The following PCCB variants were observed in gnomAD, a reference collection of about 807,000 sequenced individuals.
PCCB encodes propionyl-CoA carboxylase beta chain, mitochondrial.
In PCCB, 43 loss-of-function variants were observed where a neutral mutation model predicts 60.7. The observed-to-expected ratio is 0.71, with a 90% CI of 0.55 to 0.91. The LOEUF is 0.91. Among genes scored for constraint, PCCB ranks in the 40% least tolerant of loss-of-function variants. The pLI is 0.00. For synonymous variants in PCCB, 276 were observed against 255.9 expected (o/e 1.08, Z -0.75); for missense variants, 766 against 702.8 (o/e 1.09, Z -1.02).
In PCCB at chr3:136,328,785, C is replaced by G. The variant is rs1935425525; in HGVS notation, c.1426C>G (p.His476Asp). 6.2e-7 allele frequency: 1 copy of G among 1,614,138 alleles called. No individual in the cohort carries two copies. Among genetic ancestry groups the G allele is most frequent in the Non-Finnish European group, 8.5e-7 (1 of 1,179,960 alleles). Residue 476 changes from histidine (H) to aspartate (D), a missense_variant, in exon 14 of 15, where the codon CAT becomes GAT. His to Asp is a moderately conservative substitution (Grantham distance 81). Transcript: ENST00000251654. The stretch of plus-strand genomic sequence containing the variant: ...CGCTGTGGAGATCATCTTCAAAGGG[C>G]ATGAGAATGTGGAAGCTGCTCAGGC... ...KGAVEIIFKG[H>D]ENVEAAQAEY...
intron 1 of PCCB, chr3:136,251,407 A>G (rs1157323969): frequency 1.1e-5 from 5 of 441,526 alleles, no homozygotes; most frequent in Non-Finnish European, 2.3e-5. Flanking sequence ...AAACTCTTAC[A>G]GATGAAGAGT....
Position 136,262,972 on chromosome 3 carries a change from T to G in PCCB, c.543+907T>G, listed in dbSNP as rs1388041169. ...GGAGGAGGTTTTTTTTTTTTTTTTT[T>G]GAGACAGAGTCTGGCTCTGTCTCCC... On this transcript the variant is annotated intron_variant, in intron 5 of 14. Coordinates refer to ENST00000251654, the MANE Select transcript of PCCB (RefSeq NM_000532.5). 2.4e-5 allele frequency among the ~76,000 whole-genome samples: 3 copies of G among 127,494 alleles called. No individual in the cohort carries two copies. The East Asian group carries it at 9.2e-4, about 39-fold the overall frequency. 83.6% of individuals were successfully genotyped at this position (127,494 alleles called of 152,430 possible). A position where few individuals can be genotyped will look rare whatever the true frequency, so the allele number is the denominator to read the frequency against.
At chr3:136,256,063 T>C in intron 2 of PCCB, 88 bp downstream of exon 2, 1 of 1,589,502 alleles carries the variant, frequency 6.3e-7, no homozygotes, top group East Asian at 2.2e-5. Flanking sequence ...ATAAGGCTTT[T>C]ATCTGAAGTC....
intron 5 of PCCB, among the ~76,000 whole-genome samples, chr3:136,282,654 C>A (rs1019099948): frequency 1.3e-5 from 2 of 152,138 alleles, no homozygotes; most frequent in African/African-American, 4.8e-5. Context: ...TTGCTTTATA[C>A]AGTCTTGTTT....
intron 9 of PCCB, among the ~76,000 whole-genome samples, chr3:136,310,520 TCAAA>T (rs779927934): frequency 6.6e-6 from 1 of 152,186 alleles, no homozygotes; most frequent in Non-Finnish European, 1.5e-5. Context: ...AGACTCTGTC[TCAAA>T]CAAACAAACA....
intron 5 of PCCB, among the ~76,000 whole-genome samples, chr3:136,271,374 G>T (rs775150358): frequency 6.6e-6 from 1 of 152,076 alleles, no homozygotes; most frequent in Non-Finnish European, 1.5e-5. Flanking sequence ...GTATTTTCTA[G>T]TTCTGTGAAA....
chr3:136,306,669 C>A (rs555581503), intron 9 of PCCB, among the ~76,000 whole-genome samples: 2 of 121,418 alleles, frequency 1.6e-5, no homozygotes, highest in African/African-American at 5.0e-5. Context: ...ACCTTTAATA[C>A]AATTATTGGT....
In PCCB at chr3:136,303,149, C is replaced by T. The variant is rs1426408453; in HGVS notation, c.966+2038C>T. 1.6e-5 allele frequency among the ~76,000 whole-genome samples: 2 copies of T among 122,894 alleles called. 1 individual carries two copies. Among genetic ancestry groups the T allele is most frequent in the African/African-American group, 5.0e-5 (2 of 40,212 alleles). 80.6% of individuals were successfully genotyped at this position (122,894 alleles called of 152,430 possible). ...ACATGTCATTTCTTTCCTTGTCTTG[C>T]ATTGGCTACAACTCCCTATATGTCA... On this transcript the variant is annotated intron_variant, in intron 9 of 14. Transcript: ENST00000251654.
At chr3:136,311,629 C>T (rs377128483) in intron 9 of PCCB, among the ~76,000 whole-genome samples, 3 of 152,098 alleles carry the variant, frequency 2.0e-5, no homozygotes, top group East Asian at 3.9e-4. Context: ...TGTGAGCCCC[C>T]AAGCCCAGCC....
chr3:136,258,704 A>G (rs1290204104), intron 3 of PCCB, among the ~76,000 whole-genome samples: 1 of 152,128 alleles, frequency 6.6e-6, no homozygotes, highest in African/African-American at 2.4e-5. Flanking sequence ...CTTTTAGGCT[A>G]GCGATTGTGA....
At chr3:136,322,922 C>T (rs1935158012) in intron 10 of PCCB, among the ~76,000 whole-genome samples, 1 of 150,938 alleles carries the variant, frequency 6.6e-6, no homozygotes, top group Non-Finnish European at 1.5e-5. Context: ...ATATGTTATC[C>T]TGCTGTCTCT....
chr3:136,301,696 A>C (rs986950209), intron 9 of PCCB, among the ~76,000 whole-genome samples: 2 of 152,034 alleles, frequency 1.3e-5, no homozygotes, highest in Non-Finnish European at 2.9e-5. Flanking sequence ...CTTGTGCAAC[A>C]CATCGTGATG....
At chr3:136,287,346 T>C (rs1056682343) in intron 6 of PCCB, among the ~76,000 whole-genome samples, 1 of 152,182 alleles carries the variant, frequency 6.6e-6, no homozygotes, top group Non-Finnish European at 1.5e-5. Flanking sequence ...GATTTATCTA[T>C]GTTGTTCTTT....
intron 5 of PCCB, among the ~76,000 whole-genome samples, chr3:136,269,727 T>C (rs1942137361): frequency 6.6e-6 from 1 of 151,544 alleles, no homozygotes; most frequent in African/African-American, 2.4e-5. Flanking sequence ...TTACTAAAAA[T>C]ACAAAAAAAT....
chr3:136,302,251 T>A (rs1934318206), intron 9 of PCCB, among the ~76,000 whole-genome samples: 1 of 69,144 alleles, frequency 1.4e-5, no homozygotes, highest in African/African-American at 3.0e-5. Flanking sequence ...GATGGGTAGC[T>A]GCTACTATGC....
intron 9 of PCCB, among the ~76,000 whole-genome samples, chr3:136,306,660 C>T (rs1194119975): frequency 8.2e-6 from 1 of 121,368 alleles, no homozygotes; most frequent in African/African-American, 2.5e-5. Flanking sequence ...AGTACAGATA[C>T]CTTTAATACA....
At chr3:136,299,191 T>C (rs1233357122) in intron 8 of PCCB, among the ~76,000 whole-genome samples, 3 of 150,624 alleles carry the variant, frequency 2.0e-5, no homozygotes, top group Admixed American at 1.3e-4. Flanking sequence ...AAGGGAGATA[T>C]ATATCCATAT....
intron 9 of PCCB, among the ~76,000 whole-genome samples, chr3:136,315,666 A>T (rs758122660): frequency 6.6e-6 from 1 of 151,564 alleles, no homozygotes; most frequent in Non-Finnish European, 1.5e-5. Context: ...CCCTGTCTCT[A>T]CAAAAAATAT....
intron 6 of PCCB, among the ~76,000 whole-genome samples, chr3:136,286,626 C>T (rs1267993830): frequency 6.6e-6 from 1 of 152,166 alleles, no homozygotes; most frequent in African/African-American, 2.4e-5. Context: ...ATATAATCCA[C>T]AATATAATCA....
Sources: gnomAD v4.1 joint callset for allele counts (sites outside exome capture counted in the v4.1 genomes callset) on GRCh38, gnomAD v4.1.1 for gene constraint, MANE v1.5 for transcripts, NCBI Gene and HGNC (gene_info 2026-07-23, HGNC 2026-07-21) for gene names.